The following PBRM1 variants were observed in gnomAD, a reference collection of about 807,000 sequenced individuals.
PBRM1 encodes protein polybromo-1.
Under a neutral mutation model 194.5 loss-of-function variants are expected in PBRM1, and 27 were observed. The ratio of observed to expected loss-of-function variants is 0.14; its 90% CI spans 0.10 to 0.19. The LOEUF is 0.19. PBRM1 is among the 10% of genes least tolerant of loss of function. The pLI, the probability that PBRM1 is intolerant of heterozygous loss-of-function variation, is 1.00. For synonymous variants in PBRM1, 655 were observed against 693.2 expected, an observed-to-expected ratio of 0.94 and a Z score of 0.87; for missense variants, 1,466 against 2,077.2, an observed-to-expected ratio of 0.71 and a Z score of 5.72.
At chr3:52,608,460 TG>T (rs1167140418) in intron 16 of PBRM1, among the ~76,000 whole-genome samples, 5 of 152,270 alleles carry the variant, frequency 3.3e-5, no homozygotes, top group Non-Finnish European at 5.9e-5. Context: ...AATGTTACTA[TG>T]TTTTTTTTCT....
At chr3:52,597,983 C>A (rs1000477111) in intron 17 of PBRM1, among the ~76,000 whole-genome samples, 1 of 152,130 alleles carries the variant, frequency 6.6e-6, no homozygotes. Context: ...GGATTACAGG[C>A]GTGAGCCACT....
At chr3:52,636,757 C>CA (rs567776784) in intron 10 of PBRM1, among the ~76,000 whole-genome samples, 1,918 of 18,616 alleles carry the variant, frequency 0.1, 514 homozygotes, top group African/African-American at 0.24. Flanking sequence ...ACTCTGTCTC[C>CA]AAAAAAAAAA....
Position 52,609,354 on chromosome 3 carries a change from C to T in PBRM1, c.2526G>A (p.Glu842=). ...CTCGTTCCAATACTTCAAACATATG[C>T]TCTTGAAATAAATCAAGCCGACGGT... The change falls in exon 16 of 30, where the codon GAG becomes GAA. Residue 842 remains glutamate, a synonymous_variant. Transcript: ENST00000296302. The surrounding 1 kb of genome is among the most constrained non-coding windows in gnomAD (Gnocchi z 4.1). 2 of 1,613,812 alleles carry T rather than the reference C, an allele frequency of 1.2e-6. No individual in the cohort carries two copies. The highest frequency in any genetic ancestry group is 2.2e-5 in the East Asian group (1 of 44,884).
At chr3:52,651,744 G>C in exon 6 of PBRM1, 1 of 1,567,390 alleles carries the variant, frequency 6.4e-7, no homozygotes, top group South Asian at 1.1e-5. Context: ...CTTCATACCT[G>C]TATCCTCTGG....
intron 15 of PBRM1, among the ~76,000 whole-genome samples, chr3:52,611,267 T>C (rs1047523515): frequency 6.6e-6 from 1 of 152,190 alleles, no homozygotes; most frequent in Non-Finnish European, 1.5e-5. Flanking sequence ...GGAATAAAAT[T>C]AAAAACTATC....
At chr3:52,617,391 C>G in exon 14 of PBRM1, 1 of 1,613,968 alleles carries the variant, frequency 6.2e-7, no homozygotes. Context: ...CCATTGGCTC[C>G]AAGATGATTT....
chr3:52,579,530 C>T (rs754876959), intron 20 of PBRM1, among the ~76,000 whole-genome samples: 25 of 151,910 alleles, frequency 1.6e-4, no homozygotes, highest in Non-Finnish European at 2.9e-4. Flanking sequence ...CTCAGGAGGT[C>T]GAGGCTACAG....
chr3:52,671,113 A>C (rs1202680293), intron 2 of PBRM1, among the ~76,000 whole-genome samples: 1 of 152,244 alleles, frequency 6.6e-6, no homozygotes, highest in Non-Finnish European at 1.5e-5. Flanking sequence ...ACAACTTCAC[A>C]GAACAGGACT....
intron 10 of PBRM1, among the ~76,000 whole-genome samples, chr3:52,635,233 T>A (rs572257680): frequency 1.1e-4 from 16 of 151,728 alleles, no homozygotes; most frequent in South Asian, 4.2e-4. Context: ...GGCCCTTTTT[T>A]AAAAAAATTC....
chr3:52,598,587 A>AT (rs1344731796), intron 17 of PBRM1, among the ~76,000 whole-genome samples: 2 of 151,932 alleles, frequency 1.3e-5, no homozygotes, highest in East Asian at 3.9e-4. Flanking sequence ...GGCTTTTGTT[A>AT]TTTTTCATTG....
intron 22 of PBRM1, among the ~76,000 whole-genome samples, chr3:52,570,021 C>T (rs1459706918): frequency 6.6e-6 from 1 of 152,098 alleles, no homozygotes; most frequent in East Asian, 1.9e-4. Context: ...CGCTAGGCTG[C>T]AGTGTAGTGA....
intron 20 of PBRM1, among the ~76,000 whole-genome samples, chr3:52,579,410 A>T (rs1251809273): frequency 1.3e-5 from 2 of 152,160 alleles, no homozygotes; most frequent in Non-Finnish European, 2.9e-5. Flanking sequence ...ACATAGTGAG[A>T]CCTTGTCTCA....
chr3:52,684,039 A>C (rs984007953), upstream of PBRM1, among the ~76,000 whole-genome samples: 9 of 151,862 alleles, frequency 5.9e-5, no homozygotes, highest in Non-Finnish European at 1.3e-4. Flanking sequence ...GTGGTGCTGC[A>C]CATCAGTAAT....
intron 10 of PBRM1, among the ~76,000 whole-genome samples, chr3:52,639,952 AT>A (rs2096007110): frequency 6.6e-6 from 1 of 152,144 alleles, no homozygotes; most frequent in South Asian, 2.1e-4. Context: ...GTGTGTTCAA[AT>A]CTCTATCTTC....
At chr3:52,554,645 C>T in intron 27 of PBRM1, 79 bp downstream of exon 29, 1 of 1,315,376 alleles carries the variant, frequency 7.6e-7, no homozygotes, top group Non-Finnish European at 1.0e-6. Flanking sequence ...CCACGGGTGC[C>T]TCCTGGAACA....
At chr3:52,603,051 T>C (rs1200992763) in intron 17 of PBRM1, among the ~76,000 whole-genome samples, 1 of 152,234 alleles carries the variant, frequency 6.6e-6, no homozygotes, top group African/African-American at 2.4e-5. Flanking sequence ...AGTAACATTT[T>C]ATAGTTTGAT....
intron 25 of PBRM1, among the ~76,000 whole-genome samples, chr3:52,558,986 G>C (rs2082817988): frequency 6.6e-6 from 1 of 152,108 alleles, no homozygotes; most frequent in African/African-American, 2.4e-5. Flanking sequence ...AGGTTTTAGG[G>C]AAACAACTAA....
At chr3:52,557,908 T>C (rs921463371) in intron 26 of PBRM1, among the ~76,000 whole-genome samples, 11 of 152,236 alleles carry the variant, frequency 7.2e-5, no homozygotes, top group African/African-American at 2.4e-4. Context: ...GTGTTTTCTC[T>C]TGGGAGTCCC....
At chr3:52,572,538 A>AT (rs988737081) in intron 22 of PBRM1, among the ~76,000 whole-genome samples, 4 of 151,324 alleles carry the variant, frequency 2.6e-5, no homozygotes, top group African/African-American at 4.9e-5. Flanking sequence ...CAGCTGGCTA[A>AT]TTTTTTTTTG....
Sources: allele counts gnomAD v4.1 joint callset (sites outside exome capture counted in the v4.1 genomes callset), GRCh38; gene constraint gnomAD v4.1.1; non-coding constraint Gnocchi (gnomAD v3.1); transcripts MANE v1.5; gene names NCBI Gene and HGNC (gene_info 2026-07-23, HGNC 2026-07-21).